Variants in FKBP5 observed in about 807,000 individuals in gnomAD.
FKBP5 encodes the protein peptidyl-prolyl cis-trans isomerase FKBP5.
FKBP5 carries 23 observed loss-of-function variants against 50.5 expected under a neutral mutation model. The observed-to-expected ratio is 0.46, with a 90% CI of 0.33 to 0.65. The LOEUF (loss-of-function observed/expected upper bound fraction) is 0.65. Ranked by LOEUF, FKBP5 falls within the 30% of genes least tolerant of loss-of-function variation. The pLI is 0.02. For synonymous variants in FKBP5, 176 were observed against 190.6 expected, an observed-to-expected ratio of 0.92 and a Z score of 0.63; for missense variants, 411 against 553.1, an observed-to-expected ratio of 0.74 and a Z score of 2.58.
chr6:35,597,213 G>A, intron 6 of FKBP5, 35 bp downstream of exon 6: 1 of 1,609,176 alleles, frequency 6.2e-7, no homozygotes, highest in African/African-American at 1.3e-5. Context: ...TCCTTTAGGT[G>A]ACTTCACTGT....
At chr6:35,630,187 AGAGAGC>A (rs1046667757) in intron 3 of FKBP5, among the ~76,000 whole-genome samples, 3 of 151,730 alleles carry the variant, frequency 2.0e-5, no homozygotes, top group Non-Finnish European at 4.4e-5. Flanking sequence ...AGAGAGAGAG[AGAGAGC>A]GAGCGAACAC....
rs1286128506 is a variant in FKBP5, at chr6:35,658,842, G to A, written c.-19-15999C>T. 3.6e-5 allele frequency among the ~76,000 whole-genome samples: 3 copies of A among 84,116 alleles called. 1 individual carries two copies. Among genetic ancestry groups the A allele is most frequent in the African/African-American group, 1.1e-4 (3 of 27,058 alleles). The allele number at this position is 84,116 out of a possible 152,430, so 55.2% of individuals were successfully genotyped here. ...TCCCAGCATTTTGGGAGGCTAAGGC[G>A]GGTGGATTGCTTGAGCCCAGGAGTT... On this transcript the variant is annotated intron_variant, in intron 1 of 10. Transcript: ENST00000357266.
intron 1 of FKBP5, among the ~76,000 whole-genome samples, chr6:35,669,222 A>G (rs998906765): frequency 1.3e-5 from 2 of 152,208 alleles, no homozygotes; most frequent in Non-Finnish European, 2.9e-5. Context: ...CTTGGAACTA[A>G]GCTAAAACTA....
At chr6:35,689,091 G>A (rs1237865872), upstream of FKBP5, 7 of 152,118 alleles carry the variant, frequency 4.6e-5, no homozygotes, top group African/African-American at 1.7e-4. Flanking sequence ...CCATGCAAAT[G>A]AGGCCCCGCC....
chr6:35,670,151 A>C (rs950193574), intron 1 of FKBP5, among the ~76,000 whole-genome samples: 13 of 152,348 alleles, frequency 8.5e-5, no homozygotes, highest in Non-Finnish European at 1.9e-4. Context: ...ACATCACTGC[A>C]TAACTTGTTA....
rs186344442 is a variant in FKBP5 at position 35,604,062 on chromosome 6, C to G, written c.509-6658G>C. On this transcript the variant is annotated intron_variant, in intron 5 of 10. Coordinates refer to ENST00000357266, the MANE Select transcript of FKBP5 (RefSeq NM_004117.4). ...TCACTTTGTTGCCCAGCCTGGAGTG[C>G]AGTGGTGTGATCATGGCTCACTGCA... Among the ~76,000 whole-genome samples the G allele has an allele frequency of 9.4e-4, 142 of 151,752 alleles. 1 individual carries two copies. Among genetic ancestry groups the G allele is most frequent in the Non-Finnish European group, 1.1e-3 (76 of 67,930 alleles).
intron 5 of FKBP5, among the ~76,000 whole-genome samples, chr6:35,609,176 AT>A (rs202103662): frequency 6.7e-5 from 10 of 149,596 alleles, no homozygotes; most frequent in South Asian, 2.1e-4. Context: ...TATGGAAATT[AT>A]TTTTTTTTTC....
chr6:35,725,415 G>A (rs1362423638), intron 1 of FKBP5, among the ~76,000 whole-genome samples: 1 of 152,156 alleles, frequency 6.6e-6, no homozygotes, highest in Non-Finnish European at 1.5e-5. Context: ...CAAGGGGAGA[G>A]GGATCAGCCT....
At chr6:35,592,940 G>A (rs1762866355) in intron 6 of FKBP5, among the ~76,000 whole-genome samples, 2 of 152,166 alleles carry the variant, frequency 1.3e-5, no homozygotes, top group African/African-American at 2.4e-5. Context: ...TGGGGAATGT[G>A]GGGCTGTATC....
Position 35,642,765 on chromosome 6 carries a change from C to A in FKBP5, c.60G>T (p.Glu20Asp). 1 of 1,614,090 alleles carries A rather than the reference C, an allele frequency of 6.2e-7. No individual in the cohort carries two copies. Among genetic ancestry groups the A allele is most frequent in the Non-Finnish European group, 8.5e-7 (1 of 1,180,002 alleles). Residue 20 changes from glutamate (E) to aspartate (D), a missense_variant, in exon 2 of 11, where the codon GAG (glutamate) becomes GAT (aspartate). Physicochemically the swap from Glu to Asp is conservative, Grantham distance 45 (BLOSUM62 2). Transcript: ENST00000357266. ...TTTTGGAGGTAATATCCTCTCCCTG[C>A]TCAGCAACAGTGGCTGTGGGGCTTT... ...NEESPTATVA[E>D]QGEDITSKKD...
chr6:35,657,775 G>A (rs1379722634), intron 1 of FKBP5, among the ~76,000 whole-genome samples: 1 of 151,726 alleles, frequency 6.6e-6, no homozygotes, highest in Non-Finnish European at 1.5e-5. Context: ...TTTGTACTTA[G>A]GGGGTCTCAC....
chr6:35,641,509 T>C (rs1764488992), intron 2 of FKBP5, among the ~76,000 whole-genome samples: 2 of 152,166 alleles, frequency 1.3e-5, no homozygotes, highest in African/African-American at 4.8e-5. Context: ...CACTAGGCCA[T>C]AGGAACTTTT....
chr6:35,666,397 A>T (rs1054791278), intron 1 of FKBP5, among the ~76,000 whole-genome samples: 7 of 117,726 alleles, frequency 5.9e-5, no homozygotes, highest in African/African-American at 2.6e-4. Flanking sequence ...TTATAGTTAA[A>T]AAAAAAAAAA....
At chr6:35,635,026 C>CAAAAAAAAAAAAAAAAA (rs35794477) in intron 3 of FKBP5, among the ~76,000 whole-genome samples, 9 of 75,114 alleles carry the variant, frequency 1.2e-4, no homozygotes, top group Admixed American at 1.5e-4. Context: ...CCTGTCTCTA[C>CAAAAAAAAAAAAAAAAA]AAAAAAAAAA....
intron 2 of FKBP5, among the ~76,000 whole-genome samples, chr6:35,705,211 CAA>C (rs1312452406): frequency 3.4e-4 from 27 of 80,070 alleles, no homozygotes; most frequent in African/African-American, 1.1e-3. Context: ...TATATATGTA[CAA>C]ATATATATAT....
At chr6:35,616,521 A>ACATTT (rs1185800738) in intron 5 of FKBP5, among the ~76,000 whole-genome samples, 1 of 152,030 alleles carries the variant, frequency 6.6e-6, no homozygotes, top group Admixed American at 6.6e-5. Flanking sequence ...AAGCTGTGTA[A>ACATTT]AGCATATAAG....
upstream of FKBP5, among the ~76,000 whole-genome samples, chr6:35,692,448 A>G (rs1010033045): frequency 6.6e-6 from 1 of 152,184 alleles, no homozygotes. Context: ...CTACCGAGCT[A>G]CCTTCATCTT....
In FKBP5 at chr6:35,620,242, C is replaced by A. The variant is rs140850371; in HGVS notation, c.283G>T (p.Ala95Ser). The A allele has an allele frequency of 1.2e-6, 2 of 1,613,934 alleles. No individual in the cohort carries two copies. Among genetic ancestry groups the A allele is most frequent in the African/African-American group, 2.7e-5 (2 of 74,870 alleles). ...CATATCTCTCCTTTCTTCATGGTAG[C>A]CACCCCAATGTCCCATGCCTTGATG... ...QVIKAWDIGVATMKKGEICHL... is the reference protein window; with the variant it reads ...QVIKAWDIGVSTMKKGEICHL... The change falls in exon 4 of 11, where the codon GCT becomes TCT. Residue 95 changes from alanine (A) to serine (S), a missense_variant. By Grantham distance (99) the Ala-to-Ser change is moderately conservative (BLOSUM62 1). Transcript: ENST00000357266.
At chr6:35,637,240 C>A in intron 2 of FKBP5, 82 bp from the exon 3 acceptor site, 1 of 1,232,508 alleles carries the variant, frequency 8.1e-7, no homozygotes, top group East Asian at 2.4e-5. Context: ...CAGTCCATCC[C>A]AAGACATCCA....
Sources: allele counts gnomAD v4.1 joint callset (sites outside exome capture counted in the v4.1 genomes callset), GRCh38; gene constraint gnomAD v4.1.1; transcripts MANE v1.5; gene names NCBI Gene and HGNC (gene_info 2026-07-23, HGNC 2026-07-21).